The following SHPRH variants were observed in gnomAD, a reference collection of about 807,000 sequenced individuals.
SHPRH encodes the protein E3 ubiquitin-protein ligase SHPRH.
In SHPRH, 106 loss-of-function variants were observed where a neutral mutation model predicts 202.5. The ratio of observed to expected loss-of-function variants is 0.52; its 90% CI spans 0.45 to 0.62. SHPRH has a LOEUF of 0.62. Among genes scored for constraint, SHPRH ranks in the 20% least tolerant of loss-of-function variants. The probability of loss-of-function intolerance (pLI) is 0.00; values close to 1 mark genes in which losing one functional copy is unlikely to be tolerated. For synonymous variants in SHPRH, 729 were observed against 686.0 expected (o/e 1.06, Z -0.98); for missense variants, 1,710 against 2,020.0 (o/e 0.85, Z 2.94).
chr6:145,913,575 T>C (rs1783685686), intron 23 of SHPRH, 26 bp from the exon 24 acceptor site: 6 of 1,580,040 alleles, frequency 3.8e-6, no homozygotes, highest in Non-Finnish European at 5.2e-6. Flanking sequence ...TTAAAAAATA[T>C]ATTAGTTACG....
chr6:145,904,394 T>G (rs1782763993), intron 25 of SHPRH: 1 of 152,100 alleles, frequency 6.6e-6, no homozygotes, highest in Non-Finnish European at 1.5e-5. Flanking sequence ...AACTAGTAGT[T>G]TCTAAAATTT....
intron 11 of SHPRH, among the ~76,000 whole-genome samples, chr6:145,939,556 T>C (rs1281497752): frequency 6.6e-6 from 1 of 152,118 alleles, no homozygotes; most frequent in Non-Finnish European, 1.5e-5. Flanking sequence ...AAAAAGTAAC[T>C]CTGATAGTCA....
intron 16 of SHPRH, among the ~76,000 whole-genome samples, chr6:145,925,815 T>C (rs1784827112): frequency 1.3e-5 from 2 of 151,978 alleles, no homozygotes. Context: ...AATTTGACTT[T>C]ATTTACCCCC....
At chr6:145,919,525 A>G (rs776203102) in intron 21 of SHPRH, 34 bp from the exon 22 acceptor site, 2 of 1,606,118 alleles carry the variant, frequency 1.2e-6, no homozygotes, top group Admixed American at 1.7e-5. Context: ...ACAGTGGTAA[A>G]GCATGTAATT....
chr6:145,892,206 T>C (rs1443604368), intron 28 of SHPRH, among the ~76,000 whole-genome samples: 1 of 152,164 alleles, frequency 6.6e-6, no homozygotes, highest in Non-Finnish European at 1.5e-5. Flanking sequence ...AGAAATGTCA[T>C]GTCATTTCCC....
downstream of SHPRH, among the ~76,000 whole-genome samples, chr6:145,880,706 G>A (rs200079764): frequency 2.7e-5 from 4 of 150,920 alleles, no homozygotes; most frequent in African/African-American, 4.9e-5. Flanking sequence ...AGCCTGGCAC[G>A]TAATGAGTAT....
intron 2 of SHPRH, among the ~76,000 whole-genome samples, chr6:145,873,415 CTGTT>C (rs1282574981): frequency 6.6e-6 from 1 of 152,098 alleles, no homozygotes; most frequent in African/African-American, 2.4e-5. Flanking sequence ...AATAGCCAGT[CTGTT>C]TATTCTTACA....
chr6:145,944,605 G>T (rs1203669891), intron 8 of SHPRH, among the ~76,000 whole-genome samples: 2 of 151,958 alleles, frequency 1.3e-5, no homozygotes, highest in African/African-American at 4.8e-5. Flanking sequence ...GTTCACTGCT[G>T]TCTTCAGTGC....
chr6:145,926,324 T>C, intron 15 of SHPRH, 28 bp from the exon 16 acceptor site: 1 of 1,584,496 alleles, frequency 6.3e-7, no homozygotes, highest in Non-Finnish European at 8.7e-7. Flanking sequence ...GCAGTAATTA[T>C]GACAGTCAAT....
chr6:145,871,123 G>A (rs1165908066), intron 2 of SHPRH: 1 of 152,154 alleles, frequency 6.6e-6, no homozygotes, highest in Non-Finnish European at 1.5e-5. Context: ...AAAGCTGAAA[G>A]CATTCCCCTT....
chr6:145,934,473 TAAATA>T lies in SHPRH; in HGVS notation c.2990+429_2990+433del, dbSNP rs71552941. On this transcript the variant is annotated intron_variant, in intron 13 of 29. Transcript: ENST00000275233. ...AAGAGCGAAACTCCATCTCAAAAAATAAATAAAATAAAATAAAATAAAATAAAATA... is the reference window on the plus strand; with the variant it reads ...AAGAGCGAAACTCCATCTCAAAAAATAAATAAAATAAAATAAAATAAAATA... Among the ~76,000 whole-genome samples, 288 of 131,898 alleles carry T rather than the reference TAAATA, an allele frequency of 2.2e-3. 1 individual carries two copies. The highest frequency in any genetic ancestry group is 9.0e-3 in the South Asian group (37 of 4,108). 86.5% of individuals were successfully genotyped at this position (131,898 alleles called of 152,430 possible).
chr6:145,947,683 G>T (rs1470561736), intron 5 of SHPRH, 40 bp from the exon 6 acceptor site: 1 of 1,600,956 alleles, frequency 6.2e-7, no homozygotes, highest in Non-Finnish European at 8.5e-7. Context: ...ATAGGAATGT[G>T]AATACAAATT....
At chr6:145,949,064 T>C (rs1021954971) in intron 4 of SHPRH, among the ~76,000 whole-genome samples, 1 of 152,038 alleles carries the variant, frequency 6.6e-6, no homozygotes, top group Admixed American at 6.6e-5. Context: ...CAAAAAACTA[T>C]GGATGTTGGC....
At chr6:145,948,217 G>A in intron 5 of SHPRH, 55 bp downstream of exon 5, 1 of 1,350,364 alleles carries the variant, frequency 7.4e-7, no homozygotes, top group Non-Finnish European at 1.0e-6. Context: ...ATCTCAGACA[G>A]TTTTTCATTA....
chr6:145,866,174 T>A (rs1779771631), intron 2 of SHPRH, among the ~76,000 whole-genome samples: 1 of 152,278 alleles, frequency 6.6e-6, no homozygotes, highest in Non-Finnish European at 1.5e-5. Context: ...ATTTCAATAT[T>A]CTTTTATGCC....
At chr6:145,871,827 C>T (rs534820778) in intron 2 of SHPRH, among the ~76,000 whole-genome samples, 21 of 152,164 alleles carry the variant, frequency 1.4e-4, no homozygotes, top group East Asian at 1.9e-4. Flanking sequence ...CAAAATAGCA[C>T]GGTACTGGTA....
At chr6:145,939,156 T>G (rs924486046) in intron 11 of SHPRH, among the ~76,000 whole-genome samples, 1 of 152,168 alleles carries the variant, frequency 6.6e-6, no homozygotes, top group South Asian at 2.1e-4. Context: ...ATTCCTAGTG[T>G]GACAACTAGA....
chr6:145,926,359 A>G (rs1371642398), intron 15 of SHPRH, 63 bp from the exon 16 acceptor site: 1 of 1,340,384 alleles, frequency 7.5e-7, no homozygotes, highest in Non-Finnish European at 1.1e-6. Flanking sequence ...AGAGAACCTA[A>G]TATTAATATG....
intron 25 of SHPRH, among the ~76,000 whole-genome samples, chr6:145,901,346 A>G (rs1298393335): frequency 2.0e-5 from 3 of 152,118 alleles, no homozygotes; most frequent in African/African-American, 7.2e-5. Context: ...ATGTAAATAA[A>G]CTTGGGTTCA....
Sources: allele counts gnomAD v4.1 joint callset (sites outside exome capture counted in the v4.1 genomes callset), GRCh38; gene constraint gnomAD v4.1.1; transcripts MANE v1.5; gene names NCBI Gene and HGNC (gene_info 2026-07-23, HGNC 2026-07-21).